The following HUNK variants were observed in gnomAD, a reference collection of about 807,000 sequenced individuals.
HUNK encodes the protein hormonally up-regulated neu tumor-associated kinase.
HUNK carries 21 observed loss-of-function variants against 61.0 expected under a neutral mutation model. The observed-to-expected ratio is 0.34, with a 90% CI of 0.24 to 0.50. HUNK has a LOEUF of 0.50. HUNK is among the 20% of genes least tolerant of loss of function. HUNK has a pLI of 0.98. For synonymous variants in HUNK, 371 were observed against 386.1 expected (o/e 0.96, Z 0.46); for missense variants, 772 against 945.7 (o/e 0.82, Z 2.41).
rs2053237466 is a variant in HUNK, at chr21:32,000,280, G to C, written c.*1096G>C. The stretch of plus-strand genomic sequence containing the variant: ...TCGGCGAGTTTGCTGGGAGCTGGGA[G>C]CAGGCTTGCCTGGCAGAGAACCTGT... On this transcript the variant is annotated 3_prime_UTR_variant, in exon 11 of 11. Transcript: ENST00000270112. The C allele has an allele frequency of 2.5e-6, 1 of 399,026 alleles. No individual in the cohort carries two copies. The highest frequency in any genetic ancestry group is 4.4e-5 in the Admixed American group (1 of 22,726). 24.7% of individuals were successfully genotyped at this position (399,026 alleles called of 1,614,324 possible).
intron 8 of HUNK, among the ~76,000 whole-genome samples, chr21:31,987,965 A>G (rs796571664): frequency 5.3e-5 from 8 of 152,334 alleles, no homozygotes; most frequent in African/African-American, 1.9e-4. Flanking sequence ...GGCTGTCATC[A>G]ACCCGTGTCC....
In HUNK at chr21:31,873,843, C is replaced by G; in HGVS notation, c.169C>G (p.Arg57Gly). Reference sequence around the variant, plus strand: ...GCTCCGCGACTTCCAGCACCACAAGCGCGTGGGCAACTACCTCATCGGCAG... The same window carrying G: ...GCTCCGCGACTTCCAGCACCACAAGGGCGTGGGCAACTACCTCATCGGCAG... The part of the protein sequence containing the change: ...ERLRDFQHHK[R>G]VGNYLIGSRK... Residue 57 changes from arginine to glycine, a missense_variant, in exon 1 of 11, where the codon CGC (arginine) becomes GGC (glycine). This residue lies in a region of HUNK where 359 missense variants were observed against 501.3 expected (regional missense o/e 0.72). Transcript: ENST00000270112. The surrounding 1 kb of genome is among the most constrained non-coding windows in gnomAD (Gnocchi z 6.1). The G allele has an allele frequency of 3.8e-6, 6 of 1,585,984 alleles. No individual in the cohort carries two copies. The highest frequency in any genetic ancestry group is 5.1e-6 in the Non-Finnish European group (6 of 1,168,594).
chr21:31,915,885 G>T (rs2052578152), intron 1 of HUNK, among the ~76,000 whole-genome samples: 1 of 151,970 alleles, frequency 6.6e-6, no homozygotes, highest in Admixed American at 6.6e-5. Context: ...TGAAGCCACC[G>T]GTCAAGGAAA....
intron 7 of HUNK, among the ~76,000 whole-genome samples, chr21:31,975,956 T>C (rs1369551113): frequency 6.6e-6 from 1 of 152,234 alleles, no homozygotes; most frequent in African/African-American, 2.4e-5. Context: ...AAAGTACAGA[T>C]GTTTCTAAGC....
At chr21:31,992,176 C>T (rs1445837823) in intron 9 of HUNK, among the ~76,000 whole-genome samples, 3 of 152,166 alleles carry the variant, frequency 2.0e-5, no homozygotes, top group Admixed American at 2.0e-4. Context: ...AACACAGAAG[C>T]CTGGGGTCAT....
chr21:31,910,559 G>A (rs182632251), intron 1 of HUNK, among the ~76,000 whole-genome samples: 1 of 151,388 alleles, frequency 6.6e-6, no homozygotes, highest in Non-Finnish European at 1.5e-5. Flanking sequence ...CGCGATCTCG[G>A]CTCACCGCAA....
chr21:31,927,000 T>A (rs1395918600), intron 2 of HUNK, among the ~76,000 whole-genome samples: 1 of 116,694 alleles, frequency 8.6e-6, no homozygotes, highest in Non-Finnish European at 2.0e-5. Flanking sequence ...TTTCTTTCTC[T>A]CTCTCTCTTT....
intron 5 of HUNK, among the ~76,000 whole-genome samples, chr21:31,959,218 C>T (rs1388633416): frequency 1.3e-5 from 2 of 152,146 alleles, no homozygotes; most frequent in African/African-American, 2.4e-5. Context: ...CTCCTTCCTC[C>T]TTCTGCACAA....
At chr21:31,932,307 C>T (rs891788508) in intron 2 of HUNK, among the ~76,000 whole-genome samples, 2 of 152,186 alleles carry the variant, frequency 1.3e-5, no homozygotes, top group Admixed American at 6.5e-5. Flanking sequence ...GTATGTTTGT[C>T]ATGGCAACAG....
intron 1 of HUNK, among the ~76,000 whole-genome samples, chr21:31,901,490 A>G (rs953626547): frequency 6.6e-6 from 1 of 152,192 alleles, no homozygotes; most frequent in Non-Finnish European, 1.5e-5. Flanking sequence ...GCTTGGGCTG[A>G]GCAGGCAGCC....
chr21:31,983,733 A>AGTTATGAGCG, intron 8 of HUNK, 124 bp downstream of exon 8: 1 of 673,998 alleles, frequency 1.5e-6, no homozygotes, highest in Non-Finnish European at 2.6e-6. Flanking sequence ...ACTTACGCTC[A>AGTTATGAGCG]TAACTGAGCC....
At chr21:31,884,448 C>T (rs967695575) in intron 1 of HUNK, among the ~76,000 whole-genome samples, 2 of 151,938 alleles carry the variant, frequency 1.3e-5, no homozygotes, top group Non-Finnish European at 2.9e-5. Flanking sequence ...AAAAATTAGC[C>T]AGGCGTGGTG....
chr21:31,888,054 G>A (rs1203802092), intron 1 of HUNK, among the ~76,000 whole-genome samples: 1 of 152,128 alleles, frequency 6.6e-6, no homozygotes, highest in Non-Finnish European at 1.5e-5. Context: ...GTAGCCTTTT[G>A]TGGTAGGTAC....
chr21:31,996,075 G>C, intron 10 of HUNK, 127 bp downstream of exon 10: 1 of 736,986 alleles, frequency 1.4e-6, no homozygotes. Context: ...AGAAAAGCAG[G>C]ATTAATGGAC....
At chr21:31,997,198 G>C (rs572232676) in intron 10 of HUNK, among the ~76,000 whole-genome samples, 2 of 152,344 alleles carry the variant, frequency 1.3e-5, no homozygotes, top group South Asian at 4.1e-4. Context: ...GCATGAACTT[G>C]GCTTTATTTC....
chr21:31,952,622 G>T (rs1262060244), intron 4 of HUNK, among the ~76,000 whole-genome samples: 3 of 151,908 alleles, frequency 2.0e-5, no homozygotes, highest in Non-Finnish European at 4.4e-5. Context: ...TTGTGTACCA[G>T]ACTAAATATC....
At chr21:31,920,188 CCTT>C (rs1157893860) in intron 1 of HUNK, among the ~76,000 whole-genome samples, 6 of 152,194 alleles carry the variant, frequency 3.9e-5, no homozygotes, top group African/African-American at 9.7e-5. Flanking sequence ...TGTGAAAACT[CCTT>C]CTTTCTCTAT....
intron 1 of HUNK, among the ~76,000 whole-genome samples, chr21:31,878,836 G>A (rs1203578431): frequency 6.6e-6 from 1 of 152,218 alleles, no homozygotes; most frequent in Non-Finnish European, 1.5e-5. Flanking sequence ...TACAGAACAA[G>A]AACAGACAGT....
chr21:31,947,422 C>G (rs1007601540), intron 4 of HUNK, among the ~76,000 whole-genome samples: 4 of 152,256 alleles, frequency 2.6e-5, no homozygotes, highest in African/African-American at 9.6e-5. Context: ...GGCGTCACTG[C>G]CGAGATCATT....
Sources: allele counts gnomAD v4.1 joint callset (sites outside exome capture counted in the v4.1 genomes callset), GRCh38; gene constraint gnomAD v4.1.1; regional missense constraint gnomAD v4.1.1; non-coding constraint Gnocchi (gnomAD v3.1); transcripts MANE v1.5; gene names NCBI Gene and HGNC (gene_info 2026-07-23, HGNC 2026-07-21).